The following TENM2 variants were observed in gnomAD, a reference collection of about 807,000 sequenced individuals.
TENM2 encodes teneurin transmembrane protein 2.
TENM2 carries 52 observed loss-of-function variants against 245.2 expected under a neutral mutation model. The observed-to-expected ratio is 0.21, with a 90% CI of 0.17 to 0.27. TENM2 has a LOEUF of 0.27. Ranked by LOEUF, TENM2 falls within the 10% of genes least tolerant of loss-of-function variation. The pLI, the probability that TENM2 is intolerant of heterozygous loss-of-function variation, is 1.00. For synonymous variants in TENM2, 1,363 were observed against 1,438.9 expected, an observed-to-expected ratio of 0.95 and a Z score of 1.19; for missense variants, 3,046 against 3,666.8, an observed-to-expected ratio of 0.83 and a Z score of 4.37.
intron 23 of TENM2, among the ~76,000 whole-genome samples, chr5:168,223,134 A>G (rs1305839924): frequency 6.6e-6 from 1 of 152,212 alleles, no homozygotes; most frequent in Non-Finnish European, 1.5e-5. Flanking sequence ...TTAAAAGTTA[A>G]AGAAAATCTG....
chr5:167,365,990 G>C, intron 1 of TENM2, among the ~76,000 whole-genome samples: 1 of 151,426 alleles, frequency 6.6e-6, no homozygotes, highest in Admixed American at 6.6e-5. Flanking sequence ...AACAACAATT[G>C]AATGAACTTA....
At chr5:167,790,298 A>G (rs1764860213) in intron 2 of TENM2, among the ~76,000 whole-genome samples, 1 of 152,160 alleles carries the variant, frequency 6.6e-6, no homozygotes, top group African/African-American at 2.4e-5. Flanking sequence ...AATGGGAGAG[A>G]CTAAGCTGGT....
chr5:167,070,133 T>TTTATTTATATA, the TENM2 span, among the ~76,000 whole-genome samples: 1 of 147,792 alleles, frequency 6.8e-6, no homozygotes, highest in African/African-American at 2.5e-5. Flanking sequence ...TTATTTATTT[T>TTTATTTATATA]TTGAGACAGA....
chr5:167,820,044 C>T (rs1373291094), intron 2 of TENM2, among the ~76,000 whole-genome samples: 2 of 152,278 alleles, frequency 1.3e-5, no homozygotes, highest in East Asian at 1.9e-4. Flanking sequence ...AGGGAGGTCA[C>T]GTGAAGGGCA....
chr5:167,355,938 T>C (rs1192227172), intron 1 of TENM2, among the ~76,000 whole-genome samples: 1 of 150,018 alleles, frequency 6.7e-6, no homozygotes, highest in East Asian at 2.0e-4. Context: ...ATCCTAGCAC[T>C]TTGGGAGGCC....
chr5:166,993,357 G>A, the TENM2 span, among the ~76,000 whole-genome samples: 3 of 152,158 alleles, frequency 2.0e-5, no homozygotes, highest in Non-Finnish European at 4.4e-5. Context: ...CAGATTCTCA[G>A]AAGGATAAAT....
chr5:168,216,587 A>G (rs1032073560), intron 21 of TENM2, among the ~76,000 whole-genome samples, 181 bp from the exon 24 acceptor site: 6 of 152,180 alleles, frequency 3.9e-5, no homozygotes, highest in African/African-American at 1.4e-4. Context: ...ATCCCAGCAC[A>G]GTGCCCATGG....
At chr5:167,748,183 A>G (rs1204573169) in intron 2 of TENM2, among the ~76,000 whole-genome samples, 1 of 151,956 alleles carries the variant, frequency 6.6e-6, no homozygotes, top group Non-Finnish European at 1.5e-5. Flanking sequence ...ATTTGTCTTT[A>G]TTTCTCTTTT....
chr5:168,229,779 G>A (rs747389904), intron 25 of TENM2: 1 of 152,172 alleles, frequency 6.6e-6, no homozygotes, highest in Non-Finnish European at 1.5e-5. Flanking sequence ...TTTAAGTCAA[G>A]TCTCCACATT....
At chr5:167,405,724 C>A (rs963466840) in intron 2 of TENM2, among the ~76,000 whole-genome samples, 2 of 149,882 alleles carry the variant, frequency 1.3e-5, no homozygotes, top group Non-Finnish European at 3.0e-5. Flanking sequence ...ATAAGCCCCA[C>A]AGACTTTTAC....
At chr5:167,626,900 C>T (rs1778546174) in intron 2 of TENM2, among the ~76,000 whole-genome samples, 1 of 152,158 alleles carries the variant, frequency 6.6e-6, no homozygotes, top group Non-Finnish European at 1.5e-5. Context: ...GTGGTAAGCT[C>T]ACTGGCCCAG....
intron 3 of TENM2, among the ~76,000 whole-genome samples, chr5:167,940,727 A>T (rs1779110595): frequency 6.6e-6 from 1 of 152,210 alleles, no homozygotes; most frequent in Non-Finnish European, 1.5e-5. Flanking sequence ...GAAAGAGACG[A>T]ACCTAGGCTG....
intron 2 of TENM2, among the ~76,000 whole-genome samples, chr5:167,466,636 AG>A (rs1197970106): frequency 2.0e-5 from 3 of 152,188 alleles, no homozygotes; most frequent in African/African-American, 4.8e-5. Context: ...AATATAGTAA[AG>A]TTTTCATTTA....
chr5:168,128,762 G>A (rs1198777100), intron 12 of TENM2: 1 of 152,218 alleles, frequency 6.6e-6, no homozygotes, highest in African/African-American at 2.4e-5. Context: ...TTTTCTAAGG[G>A]TTGAAAACAA....
intron 5 of TENM2, among the ~76,000 whole-genome samples, chr5:168,016,996 C>G (rs17069614): frequency 0.067 from 10,165 of 152,202 alleles, 658 homozygotes; most frequent in African/African-American, 0.16. Context: ...CAGGATGGGA[C>G]TCAACCTTGC....
At chr5:167,187,347 T>C in the TENM2 span, among the ~76,000 whole-genome samples, 3 of 152,344 alleles carry the variant, frequency 2.0e-5, no homozygotes, top group Non-Finnish European at 2.9e-5. Flanking sequence ...CCTCCTCTGA[T>C]GCTGATTAAG....
At chr5:168,234,458 C>T (rs1765237545) in intron 25 of TENM2, among the ~76,000 whole-genome samples, 1 of 151,886 alleles carries the variant, frequency 6.6e-6, no homozygotes, top group Non-Finnish European at 1.5e-5. Context: ...AGGTGCCGTA[C>T]CCAAAAAAGA....
the TENM2 span, among the ~76,000 whole-genome samples, chr5:167,021,240 G>T: frequency 1.3e-5 from 2 of 152,168 alleles, no homozygotes; most frequent in African/African-American, 4.8e-5. Flanking sequence ...AGGCAGACAG[G>T]TGGGTCGTTA....
chr5:167,385,683 A>G (rs534348682), intron 2 of TENM2, among the ~76,000 whole-genome samples: 1 of 151,886 alleles, frequency 6.6e-6, no homozygotes, highest in East Asian at 1.9e-4. Flanking sequence ...CTGAGTCCCC[A>G]AAGTCCATTG....
Sources: gnomAD v4.1 joint callset for allele counts (sites outside exome capture counted in the v4.1 genomes callset) on GRCh38, gnomAD v4.1.1 for gene constraint, MANE v1.5 for transcripts, NCBI Gene and HGNC (gene_info 2026-07-23, HGNC 2026-07-21) for gene names.